GPHN: variants seen among roughly 807,000 people sequenced by gnomAD.
GPHN encodes the protein gephyrin.
A neutral mutation model predicts 95.5 loss-of-function variants in GPHN; 17 were observed. The ratio of observed to expected loss-of-function variants is 0.18; its 90% confidence interval spans 0.12 to 0.27. GPHN has a LOEUF of 0.27. Ranked by LOEUF, GPHN falls within the 10% of genes least tolerant of loss-of-function variation. The probability of loss-of-function intolerance (pLI) is 1.00; values close to 1 mark genes in which losing one functional copy is unlikely to be tolerated. For missense variants in GPHN, 660 were observed against 978.1 expected, an observed-to-expected ratio of 0.67 and a Z score of 4.34; for synonymous variants, 320 against 322.5, an observed-to-expected ratio of 0.99 and a Z score of 0.08.
At chr14:67,553,247 G>A in the GPHN span, among the ~76,000 whole-genome samples, 1 of 152,186 alleles carries the variant, frequency 6.6e-6, no homozygotes. Context: ...TTAGGTCTCA[G>A]TAGTCCTGCT....
chr14:67,683,117 T>C, the GPHN span, among the ~76,000 whole-genome samples: 1 of 152,184 alleles, frequency 6.6e-6, no homozygotes, highest in Non-Finnish European at 1.5e-5. Context: ...CAAAAGACTT[T>C]TATGTTCATT....
At chr14:67,078,305 G>T (rs1845466252) in intron 11 of GPHN, among the ~76,000 whole-genome samples, 1 of 152,132 alleles carries the variant, frequency 6.6e-6, no homozygotes, top group Non-Finnish European at 1.5e-5. Flanking sequence ...ACTGGTAAAA[G>T]GAAATTTTGC....
chr14:66,821,712 C>A (rs1388419202), intron 3 of GPHN, among the ~76,000 whole-genome samples: 1 of 152,134 alleles, frequency 6.6e-6, no homozygotes, highest in East Asian at 1.9e-4. Context: ...GATAGGATTT[C>A]TATTTTGTCT....
chr14:66,628,641 A>G (rs1372202771), intron 1 of GPHN, among the ~76,000 whole-genome samples: 1 of 152,150 alleles, frequency 6.6e-6, no homozygotes, highest in Non-Finnish European at 1.5e-5. Context: ...CACTAATTAT[A>G]TTAAAAGATA....
intron 12 of GPHN, 50 bp downstream of exon 12, chr14:67,089,125 C>CTTTT (rs1264164364): frequency 3.9e-5 from 13 of 329,554 alleles, no homozygotes; most frequent in South Asian, 1.2e-4. Context: ...ATTTTTTTTT[C>CTTTT]TTTTTTTCTT....
the GPHN span, among the ~76,000 whole-genome samples, chr14:67,193,676 C>G: frequency 6.8e-6 from 1 of 147,092 alleles, no homozygotes; most frequent in East Asian, 2.0e-4. Flanking sequence ...AGCACAGTGG[C>G]TCATGCCTAT....
rs528807842 is a variant in GPHN, at chr14:67,106,737, GTTTTGT to G, written c.1294-3381_1294-3376del. The stretch of plus-strand genomic sequence containing the variant: ...GCTGATTTTGTTGAATTATCGCTAG[GTTTTGT>G]TTTTGTTTTTGTTTTTGTTTTATCT... On this transcript the variant is annotated intron_variant, in intron 13 of 22. Transcript: ENST00000478722. Among the ~76,000 whole-genome samples, 461 of 152,078 alleles carry G rather than the reference GTTTTGT, an allele frequency of 3.0e-3. 3 individuals carry two copies. Among genetic ancestry groups the G allele is most frequent in the African/African-American group, 0.01 (434 of 41,492 alleles).
At chr14:66,761,872 G>A (rs2153453262) in intron 2 of GPHN, among the ~76,000 whole-genome samples, 1 of 152,164 alleles carries the variant, frequency 6.6e-6, no homozygotes, top group Non-Finnish European at 1.5e-5. Flanking sequence ...GTGTTAGCCA[G>A]GATGGTCTTG....
intron 1 of GPHN, among the ~76,000 whole-genome samples, chr14:66,593,012 G>A (rs2061822711): frequency 6.6e-6 from 1 of 152,170 alleles, no homozygotes; most frequent in Non-Finnish European, 1.5e-5. Flanking sequence ...CGTGGATGAA[G>A]CTGGAAACTA....
the GPHN span, chr14:67,321,393 C>A: frequency 1.3e-6 from 1 of 795,042 alleles, no homozygotes; most frequent in Non-Finnish European, 2.0e-6. Context: ...CACTGATTTG[C>A]TATCTGAAAT....
At chr14:66,740,364 C>A (rs1316345497) in intron 2 of GPHN, among the ~76,000 whole-genome samples, 1 of 151,964 alleles carries the variant, frequency 6.6e-6, no homozygotes, top group Non-Finnish European at 1.5e-5. Context: ...TACATTTATA[C>A]ATTGATCTCA....
chr14:67,292,775 G>A, the GPHN span: 9 of 1,375,252 alleles, frequency 6.5e-6, no homozygotes, highest in South Asian at 1.1e-4. Flanking sequence ...GTGGCAGGAA[G>A]GCAGGATTAT....
intron 1 of GPHN, among the ~76,000 whole-genome samples, chr14:66,657,394 C>T (rs976499906): frequency 3.9e-5 from 6 of 152,192 alleles, no homozygotes; most frequent in African/African-American, 1.4e-4. Context: ...CATAATCTAG[C>T]TAAAATCATT....
the GPHN span, among the ~76,000 whole-genome samples, chr14:67,240,724 GC>G: frequency 6.6e-6 from 1 of 152,218 alleles, no homozygotes. Context: ...GGTCCCGAGG[GC>G]GCCAGCCATG....
chr14:66,898,495 ACCTTTCCTCTGTT>A (rs2064977169), intron 5 of GPHN, among the ~76,000 whole-genome samples: 2 of 136,524 alleles, frequency 1.5e-5, no homozygotes, highest in African/African-American at 5.7e-5. Context: ...AAAAAAAGCT[ACCTTTCCTCTGTT>A]GAATGGCTTT....
intron 11 of GPHN, among the ~76,000 whole-genome samples, chr14:67,060,133 C>T (rs1185975756): frequency 1.3e-5 from 2 of 150,520 alleles, no homozygotes; most frequent in Non-Finnish European, 1.5e-5. Flanking sequence ...AGAGGAGTTT[C>T]CCTTAACATC....
At chr14:67,445,549 G>GCCTCAAC in the GPHN span, among the ~76,000 whole-genome samples, 1 of 140,842 alleles carries the variant, frequency 7.1e-6, no homozygotes, top group Admixed American at 7.3e-5. Context: ...CCAAGAAACA[G>GCCTCAAC]CCTCAACCTG....
chr14:66,508,662 G>A, intron 1 of GPHN, 71 bp downstream of exon 1: 2 of 1,337,768 alleles, frequency 1.5e-6, no homozygotes, highest in Non-Finnish European at 2.2e-6. Flanking sequence ...TTCGCCTGTG[G>A]TGGCCCTTCT....
chr14:66,845,777 T>C, intron 4 of GPHN, among the ~76,000 whole-genome samples: 1 of 151,816 alleles, frequency 6.6e-6, no homozygotes, highest in East Asian at 1.9e-4. Context: ...TCTGATTCAG[T>C]AGGTTTGGAA....
Sources: gnomAD v4.1 joint callset for allele counts (sites outside exome capture counted in the v4.1 genomes callset) on GRCh38, gnomAD v4.1.1 for gene constraint, MANE v1.5 for transcripts, NCBI Gene and HGNC (gene_info 2026-07-23, HGNC 2026-07-21) for gene names.